Variants in KIF5C observed in about 807,000 individuals in gnomAD.
The protein encoded by KIF5C is kinesin family member 5C, also known as kinesin heavy chain isoform 5C.
KIF5C carries 18 observed loss-of-function variants against 125.2 expected under a neutral mutation model. The observed-to-expected ratio is 0.14, with a 90% CI of 0.10 to 0.21. The LOEUF is 0.21. Among genes scored for constraint, KIF5C ranks in the 10% least tolerant of loss-of-function variants. The pLI, the probability that KIF5C is intolerant of heterozygous loss-of-function variation, is 1.00. For synonymous variants in KIF5C, 405 were observed against 434.0 expected (o/e 0.93, Z 0.83); for missense variants, 780 against 1,183.8 (o/e 0.66, Z 5.01).
Position 148,924,006 on chromosome 2 carries a change from G to C in KIF5C, c.217+1779G>C, listed in dbSNP as rs1386837915. ...GCAGAATAAAATCAGGCGCTGACAT[G>C]ATATGACTAACAGACATTTCTAGGG... On this transcript the variant is annotated intron_variant, in intron 2 of 25. Transcript: ENST00000435030. The surrounding 1 kb of genome is among the most constrained non-coding windows in gnomAD (Gnocchi z 4.0). Among the ~76,000 whole-genome samples the C allele has an allele frequency of 1.3e-5, 2 of 152,166 alleles. No individual in the cohort carries two copies. The highest frequency in any genetic ancestry group is 1.9e-4 in the East Asian group (1 of 5,198).
chr2:148,916,105 A>G (rs944003676), intron 1 of KIF5C, among the ~76,000 whole-genome samples: 3 of 152,230 alleles, frequency 2.0e-5, no homozygotes, highest in Non-Finnish European at 4.4e-5. Context: ...CTAGCCAGGC[A>G]GAGAGATGCA....
chr2:148,950,594 A>G, intron 10 of KIF5C, 132 bp downstream of exon 10: 1 of 1,308,714 alleles, frequency 7.6e-7, no homozygotes. Flanking sequence ...GGATTGCCTG[A>G]GGTCAGGAGT....
intron 10 of KIF5C, among the ~76,000 whole-genome samples, chr2:148,956,027 T>A (rs1259607323): frequency 6.6e-6 from 1 of 152,212 alleles, no homozygotes; most frequent in Non-Finnish European, 1.5e-5. Flanking sequence ...CATTTAGAAC[T>A]GACTGTGGCC....
At chr2:148,997,968 T>G in intron 18 of KIF5C, 1 of 180,930 alleles carries the variant, frequency 5.5e-6, no homozygotes, top group Admixed American at 5.4e-5. Flanking sequence ...AGGTCTCCTT[T>G]GGACATCATC....
intron 1 of KIF5C, 150 bp from the exon 2 acceptor site, chr2:148,921,987 A>G (rs1681804165): frequency 1.8e-6 from 1 of 540,720 alleles, no homozygotes; most frequent in African/African-American, 1.9e-5. Context: ...TATGCTGTAA[A>G]AATTCCCTGC....
intron 11 of KIF5C, among the ~76,000 whole-genome samples, chr2:148,964,169 G>A (rs1172070110): frequency 1.3e-5 from 2 of 151,966 alleles, no homozygotes; most frequent in African/African-American, 4.8e-5. Context: ...CAGCTACTCA[G>A]TAGGCTGAGG....
intron 25 of KIF5C, among the ~76,000 whole-genome samples, chr2:149,014,994 C>T (rs1338101326): frequency 6.6e-6 from 1 of 152,058 alleles, no homozygotes; most frequent in Non-Finnish European, 1.5e-5. Flanking sequence ...TCAAGACCAG[C>T]CTGGCCAACA....
At chr2:148,941,585 C>A (rs1272680598) in intron 4 of KIF5C, 25 bp from the exon 5 acceptor site, 1 of 1,553,464 alleles carries the variant, frequency 6.4e-7, no homozygotes, top group Admixed American at 2.0e-5. Flanking sequence ...CATGTCTATT[C>A]CAAGCTCAAT....
chr2:148,977,781 T>G (rs947841457), intron 12 of KIF5C, among the ~76,000 whole-genome samples: 1 of 152,210 alleles, frequency 6.6e-6, no homozygotes, highest in Non-Finnish European at 1.5e-5. Context: ...AGCATTAGTT[T>G]GTGACATTAA....
At chr2:148,907,749 C>G (rs957879806) in intron 1 of KIF5C, among the ~76,000 whole-genome samples, 2 of 152,164 alleles carry the variant, frequency 1.3e-5, no homozygotes, top group Non-Finnish European at 2.9e-5. Context: ...GCCGAGGTGG[C>G]CCTGAAGGAA....
chr2:148,978,753 G>A (rs1163484621), intron 12 of KIF5C, among the ~76,000 whole-genome samples, 169 bp from the exon 13 acceptor site: 1 of 152,102 alleles, frequency 6.6e-6, no homozygotes, highest in East Asian at 1.9e-4. Flanking sequence ...TGGGTGAGGA[G>A]GTATTTTAAC....
At chr2:148,987,969 G>A (rs1456098225) in intron 15 of KIF5C, among the ~76,000 whole-genome samples, 1 of 152,118 alleles carries the variant, frequency 6.6e-6, no homozygotes, top group Non-Finnish European at 1.5e-5. Flanking sequence ...GGGAGGTGGA[G>A]AGGTAGGGAT....
chr2:148,960,171 G>A (rs1254854638), intron 10 of KIF5C, among the ~76,000 whole-genome samples: 2 of 152,224 alleles, frequency 1.3e-5, no homozygotes, highest in African/African-American at 4.8e-5. Flanking sequence ...TACACCAATG[G>A]TGATAACCTT....
intron 1 of KIF5C, among the ~76,000 whole-genome samples, chr2:148,895,383 C>G (rs1242489793): frequency 6.6e-6 from 1 of 152,136 alleles, no homozygotes; most frequent in Non-Finnish European, 1.5e-5. Flanking sequence ...AGTGATCCAC[C>G]TGCCTCAGCC....
chr2:148,923,394 G>C (rs1444918091), intron 2 of KIF5C, among the ~76,000 whole-genome samples: 1 of 152,106 alleles, frequency 6.6e-6, no homozygotes, highest in African/African-American at 2.4e-5. Context: ...TCTTCACAGT[G>C]AGATTTTTAT....
At chr2:149,007,181 T>C (rs1438824316) in intron 22 of KIF5C, among the ~76,000 whole-genome samples, 3 of 152,166 alleles carry the variant, frequency 2.0e-5, no homozygotes, top group Non-Finnish European at 4.4e-5. Flanking sequence ...AGGCTCAAAT[T>C]TGGGGAGCTC....
At chr2:149,009,092 A>T (rs570091511) in intron 23 of KIF5C, among the ~76,000 whole-genome samples, 28 of 148,428 alleles carry the variant, frequency 1.9e-4, no homozygotes, top group African/African-American at 6.7e-4. Context: ...TGGGTTCAAG[A>T]GATTCTCCTG....
At chr2:148,917,028 C>T (rs1454598703) in intron 1 of KIF5C, among the ~76,000 whole-genome samples, 2 of 152,190 alleles carry the variant, frequency 1.3e-5, no homozygotes, top group East Asian at 1.9e-4. Context: ...TTCAACTTTC[C>T]ATAGCAAGCC....
intron 10 of KIF5C, 27 bp from the exon 11 acceptor site, chr2:148,961,944 A>G (rs1472689710): frequency 1.2e-6 from 2 of 1,601,320 alleles, no homozygotes; most frequent in Non-Finnish European, 1.7e-6. Context: ...AATTAGCTGA[A>G]TTGTCCCCTT....
Sources: gnomAD v4.1 joint callset for allele counts (sites outside exome capture counted in the v4.1 genomes callset) on GRCh38, gnomAD v4.1.1 for gene constraint, Gnocchi (gnomAD v3.1) non-coding constraint, MANE v1.5 for transcripts, NCBI Gene and HGNC (gene_info 2026-07-23, HGNC 2026-07-21) for gene names.